NEK7: variants seen among roughly 807,000 people sequenced by gnomAD.
NEK7 encodes the protein serine/threonine-protein kinase Nek7.
NEK7 carries 18 observed loss-of-function variants against 44.6 expected under a neutral mutation model. The observed-to-expected ratio is 0.40, with a 90% CI of 0.28 to 0.60. NEK7 has a LOEUF of 0.60. Among genes scored for constraint, NEK7 ranks in the 20% least tolerant of loss-of-function variants. NEK7 has a pLI of 0.38. For missense variants in NEK7, 256 were observed against 366.5 expected (o/e 0.70, Z 2.46); for synonymous variants, 130 against 121.1 (o/e 1.07, Z -0.48).
At chr1:198,171,658 G>A (rs1365526994) in intron 1 of NEK7, among the ~76,000 whole-genome samples, 1 of 150,572 alleles carries the variant, frequency 6.6e-6, no homozygotes, top group African/African-American at 2.4e-5. Context: ...CAGCCTGGGC[G>A]ACAGAGCAAG....
At chr1:198,314,663 C>T (rs1355218088) in intron 9 of NEK7, among the ~76,000 whole-genome samples, 3 of 152,166 alleles carry the variant, frequency 2.0e-5, no homozygotes, top group Non-Finnish European at 4.4e-5. Flanking sequence ...ACAGGACCCT[C>T]AGCTGCAAGT....
At chr1:198,207,060 A>G (rs574487942) in intron 1 of NEK7, 1 of 152,296 alleles carries the variant, frequency 6.6e-6, no homozygotes, top group South Asian at 2.1e-4. Context: ...ATTTGTCACA[A>G]TTTTTATTAA....
intron 1 of NEK7, among the ~76,000 whole-genome samples, chr1:198,164,577 CTA>C (rs1156816748): frequency 2.6e-5 from 4 of 152,266 alleles, no homozygotes; most frequent in African/African-American, 9.6e-5. Flanking sequence ...ATACTGTAGT[CTA>C]TACAGTGTGC....
At chr1:198,202,830 T>A (rs1207360342) in intron 1 of NEK7, among the ~76,000 whole-genome samples, 1 of 152,160 alleles carries the variant, frequency 6.6e-6, no homozygotes, top group Non-Finnish European at 1.5e-5. Flanking sequence ...ATGGGAATTA[T>A]GGGAGCTATA....
At chr1:198,306,649 T>C (rs1655032686) in intron 9 of NEK7, among the ~76,000 whole-genome samples, 1 of 152,182 alleles carries the variant, frequency 6.6e-6, no homozygotes, top group Non-Finnish European at 1.5e-5. Context: ...TGTGACCTTG[T>C]TTATGATTGT....
chr1:198,271,924 T>TATACAC (rs1491392729), intron 5 of NEK7, among the ~76,000 whole-genome samples: 1 of 134,556 alleles, frequency 7.4e-6, no homozygotes, highest in Non-Finnish European at 1.6e-5. Context: ...TATATATATA[T>TATACAC]ACACACACAC....
chr1:198,289,418 G>A (rs144721714), intron 7 of NEK7, among the ~76,000 whole-genome samples: 13 of 152,008 alleles, frequency 8.6e-5, no homozygotes, highest in African/African-American at 3.1e-4. Flanking sequence ...TTCTGTAAGT[G>A]GTACAGAATT....
At chr1:198,201,971 C>T (rs192381085) in intron 1 of NEK7, among the ~76,000 whole-genome samples, 7 of 152,280 alleles carry the variant, frequency 4.6e-5, no homozygotes, top group Admixed American at 2.6e-4. Flanking sequence ...GTGGCAATCA[C>T]AAAGAGCACT....
At chr1:198,289,106 G>A (rs1418971465) in intron 7 of NEK7, among the ~76,000 whole-genome samples, 2 of 150,732 alleles carry the variant, frequency 1.3e-5, no homozygotes, top group Non-Finnish European at 3.0e-5. Flanking sequence ...AGGAAAGAAT[G>A]GAAATTAAGT....
chr1:198,298,364 G>A (rs1433948318), intron 9 of NEK7, among the ~76,000 whole-genome samples: 2 of 152,124 alleles, frequency 1.3e-5, no homozygotes, highest in African/African-American at 2.4e-5. Flanking sequence ...TAAAGCATTT[G>A]TGTTCCTAGA....
At chr1:198,231,420 A>G (rs1967824) in intron 1 of NEK7, among the ~76,000 whole-genome samples, 1 of 147,996 alleles carries the variant, frequency 6.8e-6, no homozygotes, top group Non-Finnish European at 1.5e-5. Context: ...TCAATATATC[A>G]TTTGAGGTCA....
At chr1:198,211,737 T>TG (rs35863958) in intron 1 of NEK7, among the ~76,000 whole-genome samples, 7 of 152,326 alleles carry the variant, frequency 4.6e-5, no homozygotes, top group Non-Finnish European at 8.8e-5. Context: ...GATGGCGGAC[T>TG]GGAGGCATCG....
chr1:198,229,851 T>C (rs941575058), intron 1 of NEK7, among the ~76,000 whole-genome samples: 2 of 152,224 alleles, frequency 1.3e-5, no homozygotes, highest in African/African-American at 4.8e-5. Context: ...TAAAACACTT[T>C]AAGTTTCTTT....
At chr1:198,161,647 T>C (rs1664110141) in intron 1 of NEK7, among the ~76,000 whole-genome samples, 2 of 152,020 alleles carry the variant, frequency 1.3e-5, no homozygotes, top group Non-Finnish European at 2.9e-5. Context: ...CATTTCAGAG[T>C]TTGTCAGCAT....
At chr1:198,202,259 T>TA (rs200263286) in intron 1 of NEK7, among the ~76,000 whole-genome samples, 139 of 146,598 alleles carry the variant, frequency 9.5e-4, no homozygotes, top group Middle Eastern at 3.6e-3. Context: ...TCAGGAATAT[T>TA]AAAAAAAAAA....
intron 9 of NEK7, among the ~76,000 whole-genome samples, chr1:198,313,567 G>A (rs1177152626): frequency 7.3e-6 from 1 of 136,500 alleles, no homozygotes; most frequent in African/African-American, 3.0e-5. Flanking sequence ...TGATTTTGCA[G>A]TGGCTGGTAC....
intron 9 of NEK7, among the ~76,000 whole-genome samples, chr1:198,310,392 C>T (rs12048957): frequency 0.25 from 37,010 of 148,900 alleles, 5,167 homozygotes; most frequent in East Asian, 0.61. Flanking sequence ...ATTTTGTAGG[C>T]TGCCTGTTCA....
intron 7 of NEK7, among the ~76,000 whole-genome samples, chr1:198,281,509 A>G (rs943041893): frequency 1.3e-5 from 2 of 152,076 alleles, no homozygotes; most frequent in Non-Finnish European, 2.9e-5. Context: ...TAGTTCATAA[A>G]GAAAAATCTG....
Position 198,306,355 on chromosome 1 carries a change from G to A in NEK7, c.798+9115G>A, listed in dbSNP as rs550131190. Among the ~76,000 whole-genome samples the A allele has an allele frequency of 2.6e-5, 4 of 152,158 alleles. No homozygotes were observed. The East Asian group carries it at 5.8e-4, about 22-fold the overall frequency. ...GAGTCTTAGAAAAACTAATAATTCCGTGGAATATCTAAGTACTATAACCCC... is the reference window on the plus strand; with the variant it reads ...GAGTCTTAGAAAAACTAATAATTCCATGGAATATCTAAGTACTATAACCCC... On this transcript the variant is annotated intron_variant, in intron 9 of 9. Transcript: ENST00000367385.
Sources: gnomAD v4.1 joint callset for allele counts (sites outside exome capture counted in the v4.1 genomes callset) on GRCh38, gnomAD v4.1.1 for gene constraint, MANE v1.5 for transcripts, NCBI Gene and HGNC (gene_info 2026-07-23, HGNC 2026-07-21) for gene names.